Variants in CCDC57 observed in about 807,000 individuals in gnomAD.
CCDC57 encodes the protein coiled-coil domain-containing protein 57.
In CCDC57, 118 loss-of-function variants were observed where a neutral mutation model predicts 118.9. That is an observed-to-expected ratio of 0.99 (90% confidence interval 0.86 to 1.16). CCDC57 has a LOEUF of 1.16. Among genes scored for constraint, CCDC57 ranks in the 50% most tolerant of loss-of-function variants. The probability of loss-of-function intolerance (pLI) is 0.00; values close to 1 mark genes in which losing one functional copy is unlikely to be tolerated. For missense variants in CCDC57, 1,300 were observed against 1,320.7 expected (o/e 0.98, Z 0.24); for synonymous variants, 527 against 532.9 (o/e 0.99, Z 0.15).
At chr17:82,204,693 G>A (rs1469957508) in intron 2 of CCDC57, among the ~76,000 whole-genome samples, 1 of 152,180 alleles carries the variant, frequency 6.6e-6, no homozygotes, top group Non-Finnish European at 1.5e-5. Context: ...TGAGGCAGGA[G>A]AATGGCGTGA....
At chr17:82,174,534 C>T (rs1485402005) in intron 11 of CCDC57, among the ~76,000 whole-genome samples, 4 of 152,208 alleles carry the variant, frequency 2.6e-5, no homozygotes, top group Non-Finnish European at 5.9e-5. Context: ...CAACCCCCTT[C>T]CGCAAGGAGT....
chr17:82,101,635 G>T, exon 20 of CCDC57: 1 of 1,460,138 alleles, frequency 6.8e-7, no homozygotes, highest in Non-Finnish European at 9.4e-7. Flanking sequence ...CAGGCACCAT[G>T]CGGAGGCCCC....
chr17:82,206,836 C>G (rs1472904432), intron 2 of CCDC57, among the ~76,000 whole-genome samples: 1 of 152,152 alleles, frequency 6.6e-6, no homozygotes, highest in Admixed American at 6.5e-5. Flanking sequence ...ATAACTCAGA[C>G]AGTGAAAGAG....
At chr17:82,167,351 TTC>T (rs2044113908) in intron 13 of CCDC57, among the ~76,000 whole-genome samples, 1 of 148,454 alleles carries the variant, frequency 6.7e-6, no homozygotes, top group South Asian at 2.2e-4. Flanking sequence ...AAGACAAAAA[TTC>T]TTTTTTTTTT....
intron 19 of CCDC57, among the ~76,000 whole-genome samples, chr17:82,115,792 C>CTTT (rs35213711): frequency 4.4e-4 from 29 of 65,680 alleles, no homozygotes; most frequent in Non-Finnish European, 5.1e-4. Flanking sequence ...TTTATGCAAC[C>CTTT]TTTTTTTTTT....
chr17:82,184,006 C>G (rs1026893196), intron 8 of CCDC57, 74 bp from the exon 8 acceptor site: 46 of 1,132,718 alleles, frequency 4.1e-5, no homozygotes, highest in Non-Finnish European at 5.5e-5. Context: ...CACCCCCCAG[C>G]AAATACACAT....
intron 16 of CCDC57, among the ~76,000 whole-genome samples, chr17:82,141,983 C>G (rs2040074486): frequency 6.6e-6 from 1 of 152,096 alleles, no homozygotes; most frequent in African/African-American, 2.4e-5. Flanking sequence ...TGCCTCTCCC[C>G]TCTACCAGAA....
Position 82,195,249 on chromosome 17 carries a change from G to GTGC in CCDC57, c.618+11_618+13dup. On this transcript the variant is annotated intron_variant, in intron 5 of 19. Coordinates refer to ENST00000665763, the Ensembl canonical transcript of CCDC57. ...ACCGAAAAACCTTCACGACCCAAGGGTGCCCCCAGTTACCTTAAGCTCCCG... is the reference window on the plus strand; with the variant it reads ...ACCGAAAAACCTTCACGACCCAAGGGTGCTGCCCCCAGTTACCTTAAGCTCCCG... 6.4e-7 allele frequency: 1 copy of GTGC among 1,568,072 alleles called. No homozygotes were observed. Among genetic ancestry groups the GTGC allele is most frequent in the Non-Finnish European group, 8.7e-7 (1 of 1,153,738 alleles).
intron 13 of CCDC57, among the ~76,000 whole-genome samples, chr17:82,168,859 A>T (rs1047870379): frequency 6.6e-6 from 1 of 152,026 alleles, no homozygotes; most frequent in Non-Finnish European, 1.5e-5. Context: ...AAACAAAAAC[A>T]AAGAATCGTG....
chr17:82,150,704 G>A (rs181823075), intron 16 of CCDC57, among the ~76,000 whole-genome samples: 4 of 68,980 alleles, frequency 5.8e-5, no homozygotes, highest in Admixed American at 2.0e-4. Context: ...CACACACTCA[G>A]AACCAGGCGC....
chr17:82,170,591 TC>T lies in CCDC57; in HGVS notation c.1882+1109del, dbSNP rs1489316629. On this transcript the variant is annotated intron_variant, in intron 13 of 19. Coordinates refer to ENST00000665763, the Ensembl canonical transcript of CCDC57. ...GTCACGTGAGCACGCAGGGGGAGAG[TC>T]CACATGAGCACGCAGGGGAGAGGGT... 5.3e-5 allele frequency among the ~76,000 whole-genome samples: 7 copies of T among 132,950 alleles called. No homozygotes were observed. In the East Asian group the frequency reaches 6.5e-4, roughly 12 times the overall value. 87.2% of individuals were successfully genotyped at this position (132,950 alleles called of 152,430 possible). A position where few individuals can be genotyped will look rare whatever the true frequency, so the allele number is the denominator to read the frequency against.
In CCDC57 at chr17:82,201,707, G is replaced by A. The variant is rs950943425; in HGVS notation, c.238C>T (p.Gln80Ter). 3 of 1,613,814 alleles carry A rather than the reference G, an allele frequency of 1.9e-6. No homozygotes were observed. The highest frequency in any genetic ancestry group is 1.6e-4 in the Middle Eastern group (1 of 6,084). Residue 80 changes from glutamine to a stop codon, truncating the protein, a stop_gained, in exon 3 of 20, where the codon CAG becomes TAG. Coordinates refer to ENST00000665763, the Ensembl canonical transcript of CCDC57. LOFTEE classifies it high-confidence loss of function. ...CTGGCCTCTTCCCACTCCCTGGCCT[G>A]GGCGAAGGCGGCGTCATAGCGCTCC...
At chr17:82,162,996 T>C (rs1397249618) in intron 14 of CCDC57, among the ~76,000 whole-genome samples, 1 of 152,214 alleles carries the variant, frequency 6.6e-6, no homozygotes, top group African/African-American at 2.4e-5. Flanking sequence ...CAGGTTCTCA[T>C]GGCACGCCTT....
chr17:82,165,901 A>C (rs2043934624), intron 13 of CCDC57, among the ~76,000 whole-genome samples: 1 of 152,210 alleles, frequency 6.6e-6, no homozygotes, highest in African/African-American at 2.4e-5. Flanking sequence ...CGCAGTGTGA[A>C]CCCAGAAAGG....
At chr17:82,132,921 G>C (rs542718035) in intron 17 of CCDC57, among the ~76,000 whole-genome samples, 1 of 151,802 alleles carries the variant, frequency 6.6e-6, no homozygotes, top group Non-Finnish European at 1.5e-5. Flanking sequence ...CACCATGCCC[G>C]GCTAATTTTT....
At chr17:82,163,481 A>C in intron 13 of CCDC57, 124 bp from the exon 13 acceptor site, 3 of 1,143,222 alleles carry the variant, frequency 2.6e-6, no homozygotes, top group African/African-American at 1.5e-5. Context: ...GCTGACCCCA[A>C]TGCGAAGCTG....
intron 10 of CCDC57, 37 bp downstream of exon 9, chr17:82,178,990 C>A: frequency 1.2e-6 from 2 of 1,601,576 alleles, no homozygotes. Flanking sequence ...TCTGCAGAGA[C>A]GCCGAGAAGG....
chr17:82,128,540 G>A (rs747111083), exon 18 of CCDC57: 22 of 1,575,446 alleles, frequency 1.4e-5, no homozygotes, highest in African/African-American at 1.2e-4. Flanking sequence ...TGTGCTGAGC[G>A]GGGCTGGTGC....
At chr17:82,197,277 G>A (rs2048435324) in intron 4 of CCDC57, among the ~76,000 whole-genome samples, 2 of 151,952 alleles carry the variant, frequency 1.3e-5, no homozygotes, top group African/African-American at 4.8e-5. Flanking sequence ...ACCTGCACCT[G>A]CACAGGCACA....
Sources: allele counts gnomAD v4.1 joint callset (sites outside exome capture counted in the v4.1 genomes callset), GRCh38; gene constraint gnomAD v4.1.1; transcripts MANE v1.5; gene names NCBI Gene and HGNC (gene_info 2026-07-23, HGNC 2026-07-21).